Variants in SLC4A10 observed in about 807,000 individuals in gnomAD.
SLC4A10 encodes the protein solute carrier family 4 member 10.
In SLC4A10, 42 loss-of-function variants were observed where a neutral mutation model predicts 137.7. The ratio of observed to expected loss-of-function variants is 0.30; its 90% CI spans 0.24 to 0.39. SLC4A10 has a LOEUF of 0.39. Ranked by LOEUF, SLC4A10 falls within the 10% of genes least tolerant of loss-of-function variation. The pLI, the probability that SLC4A10 is intolerant of heterozygous loss-of-function variation, is 1.00. For missense variants in SLC4A10, 925 were observed against 1,355.0 expected, an observed-to-expected ratio of 0.68 and a Z score of 4.98; for synonymous variants, 474 against 464.1, an observed-to-expected ratio of 1.02 and a Z score of -0.27.
chr2:161,774,460 C>G (rs1333837787), intron 2 of SLC4A10, among the ~76,000 whole-genome samples: 7 of 151,740 alleles, frequency 4.6e-5, no homozygotes, highest in Non-Finnish European at 8.8e-5. Flanking sequence ...CCAATATTCC[C>G]CTTTGAGGAC....
chr2:161,956,650 A>C (rs1695720234), intron 19 of SLC4A10, among the ~76,000 whole-genome samples: 1 of 152,220 alleles, frequency 6.6e-6, no homozygotes. Flanking sequence ...GTAGCATAAC[A>C]GAGGAAATAG....
intron 3 of SLC4A10, among the ~76,000 whole-genome samples, chr2:161,818,299 A>G (rs1167628727): frequency 1.3e-5 from 2 of 152,152 alleles, no homozygotes; most frequent in African/African-American, 4.8e-5. Context: ...ATTGGTGTAT[A>G]AGAATGCTTA....
intron 1 of SLC4A10, among the ~76,000 whole-genome samples, chr2:161,696,023 AT>A (rs1269114364): frequency 6.6e-6 from 1 of 151,406 alleles, no homozygotes; most frequent in East Asian, 2.0e-4. Flanking sequence ...TTAACTCATC[AT>A]TTACATTAGA....
chr2:161,721,571 C>T (rs1196284932), intron 1 of SLC4A10, among the ~76,000 whole-genome samples: 1 of 152,188 alleles, frequency 6.6e-6, no homozygotes, highest in Non-Finnish European at 1.5e-5. Context: ...GTCTGATGGA[C>T]TTCCCTTTGT....
intron 10 of SLC4A10, among the ~76,000 whole-genome samples, chr2:161,891,316 T>C: frequency 6.6e-6 from 1 of 152,148 alleles, no homozygotes; most frequent in South Asian, 2.1e-4. Flanking sequence ...GTGTTCTCTG[T>C]ATTTCCTGAA....
At chr2:161,660,897 T>A (rs1385360118) in intron 1 of SLC4A10, among the ~76,000 whole-genome samples, 1 of 151,444 alleles carries the variant, frequency 6.6e-6, no homozygotes, top group Admixed American at 6.6e-5. Context: ...CCTGACCTAG[T>A]GATCCACCTG....
chr2:161,899,441 A>G (rs1368591653), intron 11 of SLC4A10, among the ~76,000 whole-genome samples: 1 of 151,916 alleles, frequency 6.6e-6, no homozygotes, highest in African/African-American at 2.4e-5. Context: ...CTACCATTTC[A>G]CTAAAATACA....
At chr2:161,862,106 A>G in intron 5 of SLC4A10, among the ~76,000 whole-genome samples, 1 of 152,206 alleles carries the variant, frequency 6.6e-6, no homozygotes, top group East Asian at 1.9e-4. Flanking sequence ...ACCTTTACTT[A>G]TCTATTTTAC....
intron 3 of SLC4A10, among the ~76,000 whole-genome samples, chr2:161,818,242 A>G (rs2057294170): frequency 6.6e-6 from 1 of 152,136 alleles, no homozygotes; most frequent in Admixed American, 6.5e-5. Context: ...CTTTGAAGCA[A>G]TTGTGAATGG....
chr2:161,983,032 T>C (rs917764428), intron 26 of SLC4A10, 147 bp from the exon 27 acceptor site: 38 of 636,840 alleles, frequency 6.0e-5, no homozygotes, highest in Non-Finnish European at 9.1e-5. Flanking sequence ...ATTGTTGCTG[T>C]CTATCTGTGC....
chr2:161,873,587 T>C (rs1160533472), intron 7 of SLC4A10, among the ~76,000 whole-genome samples: 1 of 149,448 alleles, frequency 6.7e-6, no homozygotes, highest in Non-Finnish European at 1.5e-5. Flanking sequence ...GTTTGAATAC[T>C]TGGTGAAAAT....
intron 1 of SLC4A10, among the ~76,000 whole-genome samples, chr2:161,666,001 G>A (rs955010328): frequency 6.7e-6 from 1 of 149,272 alleles, no homozygotes; most frequent in African/African-American, 2.4e-5. Context: ...CATTTAATAG[G>A]AAATTATTTT....
At chr2:161,685,390 G>A (rs904258155) in intron 1 of SLC4A10, among the ~76,000 whole-genome samples, 3 of 152,122 alleles carry the variant, frequency 2.0e-5, no homozygotes, top group Non-Finnish European at 2.9e-5. Flanking sequence ...TGGATTATTA[G>A]AGGCCAGAAG....
chr2:161,624,438 A>T lies in SLC4A10; in HGVS notation c.-81A>T, dbSNP rs2031838140. On this transcript the variant is annotated 5_prime_UTR_variant, in exon 1 of 27. Coordinates refer to ENST00000446997, the MANE Select transcript of SLC4A10 (RefSeq NM_001178015.2). The stretch of plus-strand genomic sequence containing the variant: ...TTCAGAGCTACCTGATCCGAATACT[A>T]AGCAGAGCGAGTGCCGGGCTGAGTG... 4 of 1,547,826 alleles carry T rather than the reference A, an allele frequency of 2.6e-6. No homozygotes were observed. Among genetic ancestry groups the T allele is most frequent in the Non-Finnish European group, 3.5e-6 (4 of 1,144,690 alleles).
At chr2:161,890,467 G>A (rs989283649) in intron 10 of SLC4A10, among the ~76,000 whole-genome samples, 1 of 152,070 alleles carries the variant, frequency 6.6e-6, no homozygotes, top group Admixed American at 6.5e-5. Flanking sequence ...ATGAATCTGG[G>A]TGCTCCTGTA....
intron 21 of SLC4A10, among the ~76,000 whole-genome samples, chr2:161,961,901 T>G (rs1337884821): frequency 1.3e-5 from 2 of 152,086 alleles, no homozygotes; most frequent in Admixed American, 1.3e-4. Context: ...ATGAACAGGG[T>G]CTCACACTGA....
At chr2:161,920,457 T>C (rs1054550126) in intron 15 of SLC4A10, among the ~76,000 whole-genome samples, 1 of 152,210 alleles carries the variant, frequency 6.6e-6, no homozygotes, top group African/African-American at 2.4e-5. Context: ...GGAAGTATTG[T>C]ATTAATACCA....
chr2:161,780,412 G>T (rs2125469082), intron 2 of SLC4A10, among the ~76,000 whole-genome samples: 1 of 152,028 alleles, frequency 6.6e-6, no homozygotes, highest in African/African-American at 2.4e-5. Context: ...ATTTCTGAAT[G>T]GCTCACTTGT....
intron 3 of SLC4A10, among the ~76,000 whole-genome samples, chr2:161,810,686 C>G (rs182316690): frequency 1.3e-4 from 19 of 151,794 alleles, no homozygotes; most frequent in Non-Finnish European, 2.5e-4. Context: ...TTGTGTATGT[C>G]GAACCAACCT....
Sources: allele counts gnomAD v4.1 joint callset (sites outside exome capture counted in the v4.1 genomes callset), GRCh38; gene constraint gnomAD v4.1.1; transcripts MANE v1.5; gene names NCBI Gene and HGNC (gene_info 2026-07-23, HGNC 2026-07-21).